The following RMC1 variants were observed in gnomAD, a reference collection of about 807,000 sequenced individuals.
RMC1 encodes regulator of MON1-CCZ1.
A neutral mutation model predicts 95.5 loss-of-function variants in RMC1; 44 were observed. The ratio of observed to expected loss-of-function variants is 0.46; its 90% CI spans 0.36 to 0.59. RMC1 has a LOEUF of 0.59. Among genes scored for constraint, RMC1 ranks in the 20% least tolerant of loss-of-function variants. The pLI is 0.00. For synonymous variants in RMC1, 320 were observed against 303.6 expected, an observed-to-expected ratio of 1.05 and a Z score of -0.56; for missense variants, 705 against 819.6, an observed-to-expected ratio of 0.86 and a Z score of 1.71.
At chr18:23,516,038 T>C in intron 6 of RMC1, 42 bp downstream of exon 6, 1 of 1,613,294 alleles carries the variant, frequency 6.2e-7, no homozygotes, top group Non-Finnish European at 8.5e-7. Flanking sequence ...TTTCCCCAGT[T>C]GTCCCCTGTT....
At chr18:23,526,205 T>C (rs2145260440) in intron 12 of RMC1, among the ~76,000 whole-genome samples, 1 of 152,366 alleles carries the variant, frequency 6.6e-6, no homozygotes, top group Middle Eastern at 3.4e-3. Context: ...ATTGAGAGCC[T>C]CTGGAGTTAC....
chr18:23,510,139 A>C (rs1021954463), intron 5 of RMC1, among the ~76,000 whole-genome samples: 1 of 151,932 alleles, frequency 6.6e-6, no homozygotes, highest in Non-Finnish European at 1.5e-5. Context: ...CCAGGCCAAC[A>C]TGATGAAATC....
intron 12 of RMC1, among the ~76,000 whole-genome samples, chr18:23,525,383 G>C (rs1467885574): frequency 1.3e-5 from 2 of 152,062 alleles, no homozygotes; most frequent in African/African-American, 4.8e-5. Flanking sequence ...AAGTAGCTGG[G>C]CCTACAGGCG....
chr18:23,518,147 T>C (rs1474788352), intron 7 of RMC1, among the ~76,000 whole-genome samples: 1 of 152,258 alleles, frequency 6.6e-6, no homozygotes, highest in Non-Finnish European at 1.5e-5. Flanking sequence ...ACCACTGGAC[T>C]AGAATATGCA....
chr18:23,520,197 C>A lies in RMC1; in HGVS notation c.850-5C>A, dbSNP rs201470666. The stretch of plus-strand genomic sequence containing the variant: ...TGGCCTCAGTCTTGTCTTTTTCCCC[C>A]CCAGACATCGGTAATATTCGATATC... On this transcript the variant is annotated splice_region_variant and splice_polypyrimidine_tract_variant and intron_variant, in intron 9 of 19. Transcript: ENST00000269221. 2 of 1,611,104 alleles carry A rather than the reference C, an allele frequency of 1.2e-6. No homozygotes were observed. The highest frequency in any genetic ancestry group is 2.2e-5 in the East Asian group (1 of 44,878).
intron 6 of RMC1, 115 bp from the exon 7 acceptor site, chr18:23,516,205 G>C: frequency 7.2e-7 from 1 of 1,382,112 alleles, no homozygotes; most frequent in Non-Finnish European, 1.0e-6. Flanking sequence ...ATGGGGGACG[G>C]TGGAAAGGAT....
Position 23,526,622 on chromosome 18 carries a change from C to T in RMC1, c.1061-15C>T. 1 of 1,612,498 alleles carries T rather than the reference C, an allele frequency of 6.2e-7. No homozygotes were observed. ...TTGCATCATACTGTTTTATTTGCTG[C>T]CTCTTAAAATCCAGGTTACCTCTGG... is the stretch of plus-strand genomic sequence containing the variant. On this transcript the variant is annotated splice_polypyrimidine_tract_variant and intron_variant, in intron 12 of 19. Transcript: ENST00000269221.
intron 5 of RMC1, among the ~76,000 whole-genome samples, chr18:23,510,822 A>ATTTCTT (rs2057835756): frequency 6.6e-6 from 1 of 152,264 alleles, no homozygotes; most frequent in African/African-American, 2.4e-5. Context: ...AAGTCAAAGA[A>ATTTCTT]TAACAGATAC....
At position 23,519,147 on chromosome 18, in the gene RMC1, G is replaced by A. The variant is rs956859465; in HGVS notation, c.822G>A (p.Leu274=). Residue 274 remains leucine (L), a synonymous_variant, in exon 9 of 20, where the codon CTG becomes CTA. Transcript: ENST00000269221. The part of the protein sequence containing the change: ...GKFALNVVDN[L]VVVHHQDTET... ...TTGCCCTGAACGTGGTGGACAACCT[G>A]GTAGTCGTGCATCATCAGGATACAG... is the stretch of plus-strand genomic sequence containing the variant. 1.1e-5 allele frequency: 18 copies of A among 1,614,008 alleles called. No homozygotes were observed. The highest frequency in any genetic ancestry group is 1.4e-5 in the Non-Finnish European group (16 of 1,180,002).
Position 23,530,892 on chromosome 18 carries a change from A to G in RMC1, c.1894+280A>G, listed in dbSNP as rs142741984. Among the ~76,000 whole-genome samples the G allele has an allele frequency of 1.3e-3, 195 of 152,334 alleles. 1 individual carries two copies. Among genetic ancestry groups the G allele is most frequent in the African/African-American group, 4.5e-3 (189 of 41,580 alleles). On this transcript the variant is annotated intron_variant, in intron 19 of 19. Transcript: ENST00000269221. Reference sequence around the variant, plus strand: ...CCCATCTCTTATAGCAGATCTTGGAATATCTCTTAAAGCCAGGAATAAGAC... The same window carrying G: ...CCCATCTCTTATAGCAGATCTTGGAGTATCTCTTAAAGCCAGGAATAAGAC...
intron 16 of RMC1, 113 bp from the exon 17 acceptor site, chr18:23,529,915 G>T: frequency 8.8e-7 from 1 of 1,135,034 alleles, no homozygotes; most frequent in East Asian, 2.4e-5. Flanking sequence ...ACCACTTCTT[G>T]TAATGACAGA....
chr18:23,523,543 C>CAAAAAAAAAAAAAAA (rs374224848), intron 10 of RMC1, among the ~76,000 whole-genome samples: 1 of 76,384 alleles, frequency 1.3e-5, no homozygotes, highest in Admixed American at 1.6e-4. Context: ...CTTGTCTTCA[C>CAAAAAAAAAAAAAAA]AAAAAAAAAA....
At chr18:23,512,294 T>G (rs933833638) in intron 5 of RMC1, among the ~76,000 whole-genome samples, 1 of 152,204 alleles carries the variant, frequency 6.6e-6, no homozygotes, top group Non-Finnish European at 1.5e-5. Context: ...GTGCTGGGAT[T>G]ACAGGCGTGA....
intron 10 of RMC1, among the ~76,000 whole-genome samples, chr18:23,521,100 C>T (rs1031617327): frequency 6.6e-6 from 1 of 152,190 alleles, no homozygotes; most frequent in Non-Finnish European, 1.5e-5. Flanking sequence ...GGTGATCCGC[C>T]TGCCTCGCTC....
At chr18:23,515,171 T>C (rs1461614536) in intron 5 of RMC1, among the ~76,000 whole-genome samples, 1 of 152,038 alleles carries the variant, frequency 6.6e-6, no homozygotes, top group East Asian at 1.9e-4. Context: ...AGGAGAAATT[T>C]GTTGTAAATT....
intron 9 of RMC1, 96 bp downstream of exon 9, chr18:23,519,270 C>A: frequency 8.9e-7 from 1 of 1,119,562 alleles, no homozygotes; most frequent in Non-Finnish European, 1.3e-6. Context: ...GTAATCCCAG[C>A]ACTTTGGGAG....
chr18:23,522,061 C>T lies in RMC1; in HGVS notation c.961+1748C>T, dbSNP rs148151828. 1.2e-3 allele frequency among the ~76,000 whole-genome samples: 178 copies of T among 152,326 alleles called. No homozygotes were observed. In the South Asian group the frequency reaches 0.012, roughly 10 times the overall value. On this transcript the variant is annotated intron_variant, in intron 10 of 19. Transcript: ENST00000269221. The stretch of plus-strand genomic sequence containing the variant: ...GTCAGGATTTCCTTGTACCGTTCAC[C>T]CGGGAGTTCAGAATCGCACTCTGGC...
At chr18:23,516,602 T>C (rs2058012121) in intron 7 of RMC1, among the ~76,000 whole-genome samples, 179 bp downstream of exon 7, 1 of 152,252 alleles carries the variant, frequency 6.6e-6, no homozygotes, top group East Asian at 1.9e-4. Flanking sequence ...GCAGTGTTTT[T>C]GGCATTCCTT....
intron 12 of RMC1, among the ~76,000 whole-genome samples, chr18:23,526,104 GCATC>G (rs2058291319): frequency 6.6e-6 from 1 of 152,168 alleles, no homozygotes; most frequent in Non-Finnish European, 1.5e-5. Flanking sequence ...TTCTCCTGTG[GCATC>G]CCAATTGGGA....
Sources: gnomAD v4.1 joint callset for allele counts (sites outside exome capture counted in the v4.1 genomes callset) on GRCh38, gnomAD v4.1.1 for gene constraint, MANE v1.5 for transcripts, NCBI Gene and HGNC (gene_info 2026-07-23, HGNC 2026-07-21) for gene names.